TEAD1: variants seen among roughly 807,000 people sequenced by gnomAD.
TEAD1 encodes the protein transcriptional enhancer factor TEF-1.
Under a neutral mutation model 54.9 loss-of-function variants are expected in TEAD1, and 9 were observed. That is an observed-to-expected ratio of 0.16 (90% CI 0.10 to 0.29). The LOEUF (loss-of-function observed/expected upper bound fraction) is 0.29, where lower values mean the gene tolerates loss of function less well. Ranked by LOEUF, TEAD1 falls within the 10% of genes least tolerant of loss-of-function variation. The pLI, the probability that TEAD1 is intolerant of heterozygous loss-of-function variation, is 1.00. For synonymous variants in TEAD1, 200 were observed against 187.8 expected (o/e 1.07, Z -0.53); for missense variants, 387 against 535.9 (o/e 0.72, Z 2.74).
chr11:12,845,684 CA>C (rs1262552701), intron 3 of TEAD1, among the ~76,000 whole-genome samples: 1 of 152,200 alleles, frequency 6.6e-6, no homozygotes, highest in Non-Finnish European at 1.5e-5. Flanking sequence ...AAACAGTTTT[CA>C]TCTCAAGAAC....
chr11:12,739,195 T>C (rs1944596955), intron 2 of TEAD1, among the ~76,000 whole-genome samples: 1 of 143,814 alleles, frequency 7.0e-6, no homozygotes, highest in Non-Finnish European at 1.5e-5. Flanking sequence ...GAGGTCTCAT[T>C]CTTTCTATCT....
chr11:12,796,641 C>T (rs1050322322), intron 3 of TEAD1, among the ~76,000 whole-genome samples: 3 of 151,934 alleles, frequency 2.0e-5, no homozygotes, highest in Admixed American at 6.6e-5. Flanking sequence ...GGGAGGATCA[C>T]CTGAGCCCAA....
chr11:12,788,707 C>T (rs1252416389), intron 3 of TEAD1, among the ~76,000 whole-genome samples: 2 of 152,206 alleles, frequency 1.3e-5, no homozygotes, highest in African/African-American at 4.8e-5. Flanking sequence ...TACAACATCA[C>T]GCCCTTGGGC....
intron 2 of TEAD1, among the ~76,000 whole-genome samples, chr11:12,714,616 C>A (rs933728715): frequency 5.9e-5 from 9 of 152,206 alleles, no homozygotes; most frequent in Non-Finnish European, 1.3e-4. Context: ...TTTATTTAGT[C>A]ATTCATTCCA....
At chr11:12,764,044 G>C in intron 2 of TEAD1, 135 bp from the exon 3 acceptor site, 1 of 633,898 alleles carries the variant, frequency 1.6e-6, no homozygotes, top group Non-Finnish European at 2.6e-6. Flanking sequence ...CCAAAACCAT[G>C]TGTATCCCCA....
intron 2 of TEAD1, among the ~76,000 whole-genome samples, chr11:12,762,636 T>A (rs561346245): frequency 6.6e-6 from 1 of 152,068 alleles, no homozygotes; most frequent in Non-Finnish European, 1.5e-5. Context: ...ATTTTTTTTT[T>A]AAATCCAGGT....
chr11:12,718,163 C>G (rs1303645147), intron 2 of TEAD1, among the ~76,000 whole-genome samples: 1 of 152,172 alleles, frequency 6.6e-6, no homozygotes, highest in Admixed American at 6.5e-5. Context: ...CATACAGAGA[C>G]ATGTGAACAT....
At position 12,938,586 on chromosome 11, in the gene TEAD1, C is replaced by T. The variant is rs546899597; in HGVS notation, c.*1364C>T. 3.3e-5 allele frequency: 5 copies of T among 152,362 alleles called. No individual in the cohort carries two copies. Among genetic ancestry groups the T allele is most frequent in the Non-Finnish European group, 7.3e-5 (5 of 68,042 alleles). 9.4% of individuals were successfully genotyped at this position (152,362 alleles called of 1,614,324 possible). A position where few individuals can be genotyped will look rare whatever the true frequency, so the allele number is the denominator to read the frequency against. On this transcript the variant is annotated 3_prime_UTR_variant, in exon 13 of 13. Coordinates refer to ENST00000527636, the MANE Select transcript of TEAD1 (RefSeq NM_021961.6). ...GCACATCCATTTCTTTAGCGTCTCTCAGTAAGTTACAGTACTTGTTTGACT... is the reference window on the plus strand; with the variant it reads ...GCACATCCATTTCTTTAGCGTCTCTTAGTAAGTTACAGTACTTGTTTGACT...
chr11:12,919,654 C>T (rs917659070), intron 10 of TEAD1, among the ~76,000 whole-genome samples: 21 of 151,360 alleles, frequency 1.4e-4, no homozygotes, highest in Non-Finnish European at 1.9e-4. Flanking sequence ...CCACCATGTC[C>T]GGCTAATTAA....
chr11:12,717,327 A>C (rs940003329), intron 2 of TEAD1, among the ~76,000 whole-genome samples: 4 of 152,152 alleles, frequency 2.6e-5, no homozygotes, highest in African/African-American at 9.7e-5. Context: ...GGGTCTAGCT[A>C]CACCTGAAAC....
chr11:12,813,090 C>T (rs1946340237), intron 3 of TEAD1, among the ~76,000 whole-genome samples: 1 of 152,118 alleles, frequency 6.6e-6, no homozygotes, highest in Non-Finnish European at 1.5e-5. Context: ...GCAAGCCAGA[C>T]AGTCCAGCCG....
intron 3 of TEAD1, among the ~76,000 whole-genome samples, chr11:12,858,492 T>C (rs1192286229): frequency 6.6e-6 from 1 of 152,238 alleles, no homozygotes; most frequent in Non-Finnish European, 1.5e-5. Context: ...GTTGAAATTG[T>C]ACTAGTTTTA....
At chr11:12,715,369 A>G (rs971612471) in intron 2 of TEAD1, among the ~76,000 whole-genome samples, 2 of 152,170 alleles carry the variant, frequency 1.3e-5, no homozygotes, top group East Asian at 3.9e-4. Flanking sequence ...GGGATCTGAG[A>G]AACAGATAAA....
intron 5 of TEAD1, among the ~76,000 whole-genome samples, chr11:12,867,453 A>G (rs1426302638): frequency 7.2e-5 from 11 of 152,154 alleles, no homozygotes; most frequent in Admixed American, 6.5e-4. Context: ...GCTGCTTGGC[A>G]CCACTCTGAG....
intron 2 of TEAD1, among the ~76,000 whole-genome samples, chr11:12,705,178 G>C (rs577662087): frequency 6.6e-6 from 1 of 152,206 alleles, no homozygotes; most frequent in Non-Finnish European, 1.5e-5. Flanking sequence ...CAGGGAATTC[G>C]CATATCCTCT....
chr11:12,764,541 T>A, intron 3 of TEAD1, 107 bp downstream of exon 3: 2 of 1,347,734 alleles, frequency 1.5e-6, no homozygotes, highest in Non-Finnish European at 2.1e-6. Flanking sequence ...TGGGGTTGAG[T>A]GATATTTGTA....
At chr11:12,756,006 A>G (rs1944977252) in intron 2 of TEAD1, among the ~76,000 whole-genome samples, 4 of 152,326 alleles carry the variant, frequency 2.6e-5, no homozygotes, top group African/African-American at 4.8e-5. Context: ...TCAGAGCTGC[A>G]TAGCATGAAA....
intron 10 of TEAD1, among the ~76,000 whole-genome samples, chr11:12,917,903 A>G (rs752388975): frequency 1.6e-4 from 25 of 152,198 alleles, no homozygotes; most frequent in Non-Finnish European, 2.5e-4. Context: ...GCTTGTGCCC[A>G]GAAGATGGGA....
intron 3 of TEAD1, chr11:12,822,380 C>G (rs553514999): frequency 6.6e-6 from 1 of 152,184 alleles, no homozygotes; most frequent in African/African-American, 2.4e-5. Flanking sequence ...TTTGAAGGAA[C>G]CATTGCATAC....
Sources: gnomAD v4.1 joint callset for allele counts (sites outside exome capture counted in the v4.1 genomes callset) on GRCh38, gnomAD v4.1.1 for gene constraint, MANE v1.5 for transcripts, NCBI Gene and HGNC (gene_info 2026-07-23, HGNC 2026-07-21) for gene names.